ZGPAT: variants seen among roughly 807,000 people sequenced by gnomAD.
The protein encoded by ZGPAT is zinc finger CCCH-type and G-patch domain containing.
In ZGPAT, 39 loss-of-function variants were observed where a neutral mutation model predicts 47.9. The observed-to-expected ratio is 0.81, with a 90% CI of 0.63 to 1.06. The LOEUF (loss-of-function observed/expected upper bound fraction) is 1.06. Among genes scored for constraint, ZGPAT ranks in the 50% least tolerant of loss-of-function variants. ZGPAT has a pLI of 0.00. For missense variants in ZGPAT, 717 were observed against 681.4 expected, an observed-to-expected ratio of 1.05 and a Z score of -0.58; for synonymous variants, 348 against 292.9, an observed-to-expected ratio of 1.19 and a Z score of -1.92.
chr20:63,733,114 C>G, intron 2 of ZGPAT, 105 bp from the exon 3 acceptor site: 7 of 1,465,750 alleles, frequency 4.8e-6, no homozygotes, highest in South Asian at 3.8e-5. Flanking sequence ...GCGTGTGTGT[C>G]TGTCTCCCTC....
At chr20:63,721,047 T>C (rs544332777) in intron 2 of ZGPAT, among the ~76,000 whole-genome samples, 1 of 151,650 alleles carries the variant, frequency 6.6e-6, no homozygotes, top group African/African-American at 2.4e-5. Context: ...TCTTTAAATA[T>C]CTAGTGGCAA....
At chr20:63,714,353 G>C (rs1269469970) in intron 2 of ZGPAT, among the ~76,000 whole-genome samples, 1 of 151,610 alleles carries the variant, frequency 6.6e-6, no homozygotes, top group Non-Finnish European at 1.5e-5. Context: ...TTGAACCTGG[G>C]GGGCGGAGGT....
At chr20:63,724,984 CT>C (rs35291396) in intron 2 of ZGPAT, among the ~76,000 whole-genome samples, 280 of 125,850 alleles carry the variant, frequency 2.2e-3, no homozygotes, top group Non-Finnish European at 1.9e-3. Context: ...TTTAGAATTT[CT>C]TTTTTTTTTT....
At chr20:63,730,927 T>C (rs1241339386) in intron 2 of ZGPAT, among the ~76,000 whole-genome samples, 2 of 13,620 alleles carry the variant, frequency 1.5e-4, no homozygotes, top group Non-Finnish European at 2.9e-4. Flanking sequence ...CTTCATTCTC[T>C]CTCTCTCTCT....
intron 2 of ZGPAT, among the ~76,000 whole-genome samples, chr20:63,716,310 A>G (rs1029751910): frequency 7.9e-5 from 12 of 152,138 alleles, no homozygotes; most frequent in South Asian, 2.1e-4. Flanking sequence ...GACTACAGAC[A>G]TAAGCCACCG....
intron 2 of ZGPAT, among the ~76,000 whole-genome samples, chr20:63,726,862 A>G (rs570604504): frequency 5.6e-4 from 85 of 152,276 alleles, no homozygotes; most frequent in Middle Eastern, 6.8e-3. Flanking sequence ...TAGGTTCACA[A>G]CAAAATTGGG....
At chr20:63,735,637 C>T (rs2091979693) in intron 6 of ZGPAT, 73 bp downstream of exon 6, 1 of 1,494,688 alleles carries the variant, frequency 6.7e-7, no homozygotes, top group African/African-American at 1.4e-5. Flanking sequence ...TGCTGGAGGT[C>T]ACCTGACCCA....
At chr20:63,709,834 C>T (rs951447024) in intron 2 of ZGPAT, among the ~76,000 whole-genome samples, 7 of 151,896 alleles carry the variant, frequency 4.6e-5, no homozygotes, top group Admixed American at 1.3e-4. Context: ...CACGCTACTA[C>T]ACCCAGCTAA....
At chr20:63,709,749 G>T (rs2145632266) in intron 2 of ZGPAT, among the ~76,000 whole-genome samples, 1 of 152,068 alleles carries the variant, frequency 6.6e-6, no homozygotes, top group South Asian at 2.1e-4. Flanking sequence ...CATAGTCCTG[G>T]CTCACTGCAG....
chr20:63,725,518 G>C (rs146168759), intron 2 of ZGPAT, among the ~76,000 whole-genome samples: 127 of 152,070 alleles, frequency 8.4e-4, no homozygotes, highest in Non-Finnish European at 1.5e-3. Flanking sequence ...TTTTTCTCTT[G>C]ATGTTTTCAA....
chr20:63,720,891 G>A (rs6011054), intron 2 of ZGPAT, among the ~76,000 whole-genome samples: 8,178 of 152,176 alleles, frequency 0.054, 747 homozygotes, highest in African/African-American at 0.19. Flanking sequence ...CCCTCTGCAG[G>A]GTTCATTGTT....
chr20:63,712,666 C>T (rs192056118), intron 2 of ZGPAT, among the ~76,000 whole-genome samples: 16 of 152,230 alleles, frequency 1.1e-4, no homozygotes, highest in African/African-American at 2.2e-4. Flanking sequence ...GAGGCTGAGG[C>T]GGGCATATCA....
chr20:63,732,369 T>TGAGGGCCA (rs2091918215), intron 2 of ZGPAT, among the ~76,000 whole-genome samples: 1 of 127,482 alleles, frequency 7.8e-6, no homozygotes, highest in Non-Finnish European at 1.6e-5. Context: ...TGTGTCAGGG[T>TGAGGGCCA]GTGTGTGCGC....
At chr20:63,722,467 G>T (rs917079378) in intron 2 of ZGPAT, among the ~76,000 whole-genome samples, 1 of 152,092 alleles carries the variant, frequency 6.6e-6, no homozygotes, top group East Asian at 1.9e-4. Context: ...CTGGAGAGAC[G>T]GATCTTTGGA....
intron 2 of ZGPAT, among the ~76,000 whole-genome samples, chr20:63,717,436 G>A (rs1394218157): frequency 7.3e-6 from 1 of 137,688 alleles, no homozygotes; most frequent in Non-Finnish European, 1.5e-5. Flanking sequence ...TGCAGCCTCC[G>A]CCGCCCAGGC....
intron 2 of ZGPAT, among the ~76,000 whole-genome samples, chr20:63,732,407 T>TGCGC (rs1342627213): frequency 1.4e-4 from 14 of 100,440 alleles, no homozygotes; most frequent in African/African-American, 5.1e-4. Flanking sequence ...GGCCTGTGTG[T>TGCGC]GCGTGTGTGT....
At chr20:63,722,018 A>T (rs1033043338) in intron 2 of ZGPAT, among the ~76,000 whole-genome samples, 1 of 138,816 alleles carries the variant, frequency 7.2e-6, no homozygotes, top group African/African-American at 2.7e-5. Context: ...ATCTCGGGGA[A>T]AAAAAAAAAA....
chr20:63,718,079 G>A (rs1053159218), intron 2 of ZGPAT, among the ~76,000 whole-genome samples: 4 of 151,964 alleles, frequency 2.6e-5, no homozygotes, highest in Admixed American at 2.0e-4. Context: ...CAGAGACAGG[G>A]TATCACTTTG....
intron 2 of ZGPAT, among the ~76,000 whole-genome samples, chr20:63,729,019 ATTTTTTCT>A (rs1166398217): frequency 1.1e-3 from 160 of 146,114 alleles, no homozygotes; most frequent in Middle Eastern, 3.6e-3. Flanking sequence ...GTTTTAGATT[ATTTTTTCT>A]TTTTTTCTTT....
Sources: gnomAD v4.1 joint callset for allele counts (sites outside exome capture counted in the v4.1 genomes callset) on GRCh38, gnomAD v4.1.1 for gene constraint, MANE v1.5 for transcripts, NCBI Gene and HGNC (gene_info 2026-07-23, HGNC 2026-07-21) for gene names.